EPHB1: variants seen among roughly 807,000 people sequenced by gnomAD.
The protein encoded by EPHB1 is ephrin type-B receptor 1.
EPHB1 carries 30 observed loss-of-function variants against 94.4 expected under a neutral mutation model. That is an observed-to-expected ratio of 0.32 (90% confidence interval 0.24 to 0.43). The LOEUF (loss-of-function observed/expected upper bound fraction) is 0.43, where lower values mean the gene tolerates loss of function less well. Ranked by LOEUF, EPHB1 falls within the 20% of genes least tolerant of loss-of-function variation. The pLI is 1.00. For missense variants in EPHB1, 1,055 were observed against 1,308.3 expected, an observed-to-expected ratio of 0.81 and a Z score of 2.99; for synonymous variants, 522 against 489.1, an observed-to-expected ratio of 1.07 and a Z score of -0.89.
intron 3 of EPHB1, among the ~76,000 whole-genome samples, chr3:135,046,059 A>G (rs1936987894): frequency 6.6e-6 from 1 of 152,262 alleles, no homozygotes; most frequent in Middle Eastern, 3.2e-3. Context: ...GTGAGGCTAT[A>G]GCTGTCTTCT....
At chr3:135,003,817 T>C (rs1935282674) in intron 3 of EPHB1, among the ~76,000 whole-genome samples, 1 of 152,028 alleles carries the variant, frequency 6.6e-6, no homozygotes, top group African/African-American at 2.4e-5. Context: ...GCTTGGTAGA[T>C]CTTCCTCCAT....
intron 6 of EPHB1, among the ~76,000 whole-genome samples, chr3:135,161,708 C>T (rs1311942900): frequency 6.6e-6 from 1 of 152,204 alleles, no homozygotes; most frequent in Non-Finnish European, 1.5e-5. Flanking sequence ...GTTATTTCAC[C>T]TCTGAACCCT....
chr3:135,098,054 C>A (rs1938872742), intron 3 of EPHB1, among the ~76,000 whole-genome samples: 1 of 152,190 alleles, frequency 6.6e-6, no homozygotes, highest in Admixed American at 6.5e-5. Context: ...CCACTCTCCC[C>A]TTCCTCTAAA....
At chr3:134,896,921 T>G (rs2038096858) in intron 1 of EPHB1, among the ~76,000 whole-genome samples, 1 of 152,182 alleles carries the variant, frequency 6.6e-6, no homozygotes, top group African/African-American at 2.4e-5. Flanking sequence ...GGGAGCTGGA[T>G]GGGGGTCCCT....
chr3:134,989,435 T>C (rs1016623799), intron 3 of EPHB1, among the ~76,000 whole-genome samples: 2 of 152,192 alleles, frequency 1.3e-5, no homozygotes, highest in Non-Finnish European at 2.9e-5. Context: ...ACTTTGCTTT[T>C]ATTAAAGTTA....
At chr3:134,954,223 A>G (rs1184075548) in intron 3 of EPHB1, among the ~76,000 whole-genome samples, 1 of 152,128 alleles carries the variant, frequency 6.6e-6, no homozygotes, top group African/African-American at 2.4e-5. Context: ...ATCCCCTGAA[A>G]TCTTTGCCCT....
chr3:135,155,015 T>C (rs962572614), intron 6 of EPHB1, among the ~76,000 whole-genome samples: 1 of 152,210 alleles, frequency 6.6e-6, no homozygotes, highest in African/African-American at 2.4e-5. Flanking sequence ...ACTTATTTGT[T>C]CAGTAAGTAT....
At chr3:135,081,729 C>A (rs1282504950) in intron 3 of EPHB1, among the ~76,000 whole-genome samples, 2 of 152,072 alleles carry the variant, frequency 1.3e-5, no homozygotes, top group African/African-American at 4.8e-5. Flanking sequence ...CCCCTCTGAG[C>A]CTGAGAGGAG....
chr3:135,093,555 T>TA (rs1318226643), intron 3 of EPHB1, among the ~76,000 whole-genome samples: 1 of 151,960 alleles, frequency 6.6e-6, no homozygotes, highest in South Asian at 2.1e-4. Context: ...CTGTCTCTAC[T>TA]AAAAAATACA....
chr3:134,965,692 G>A (rs759174064), intron 3 of EPHB1, among the ~76,000 whole-genome samples: 1 of 152,100 alleles, frequency 6.6e-6, no homozygotes, highest in African/African-American at 2.4e-5. Flanking sequence ...CCTTCTGCCC[G>A]CTTGTAGAGA....
At chr3:135,239,805 G>A (rs750246526) in intron 12 of EPHB1, among the ~76,000 whole-genome samples, 11 of 152,168 alleles carry the variant, frequency 7.2e-5, no homozygotes, top group African/African-American at 1.2e-4. Context: ...ATCCCTGGCC[G>A]TTGAGAAAGC....
chr3:135,167,428 G>A (rs1315822003), intron 9 of EPHB1, among the ~76,000 whole-genome samples: 1 of 152,166 alleles, frequency 6.6e-6, no homozygotes, highest in African/African-American at 2.4e-5. Flanking sequence ...AGAACATGAA[G>A]GTAGGGAATT....
At chr3:134,882,174 A>G (rs912664452) in intron 1 of EPHB1, among the ~76,000 whole-genome samples, 1 of 152,246 alleles carries the variant, frequency 6.6e-6, no homozygotes, top group African/African-American at 2.4e-5. Flanking sequence ...AATCATAGCC[A>G]GGGGTGAATC....
chr3:134,881,859 T>C (rs1400409796), intron 1 of EPHB1, among the ~76,000 whole-genome samples: 1 of 152,218 alleles, frequency 6.6e-6, no homozygotes, highest in Non-Finnish European at 1.5e-5. Flanking sequence ...GTGACTGCCA[T>C]GACATCTGAC....
chr3:135,229,768 C>T (rs980800573), intron 12 of EPHB1, among the ~76,000 whole-genome samples: 1 of 152,168 alleles, frequency 6.6e-6, no homozygotes, highest in Admixed American at 6.5e-5. Flanking sequence ...AGTAGCCACT[C>T]GATGTCAGAA....
At chr3:135,142,968 G>A (rs1166548938) in intron 5 of EPHB1, among the ~76,000 whole-genome samples, 1 of 152,116 alleles carries the variant, frequency 6.6e-6, no homozygotes, top group Non-Finnish European at 1.5e-5. Context: ...AGACAGTGGG[G>A]AGCAAGGATG....
intron 1 of EPHB1, among the ~76,000 whole-genome samples, chr3:134,902,128 G>A (rs1392309802): frequency 3.3e-5 from 5 of 152,216 alleles, no homozygotes; most frequent in Admixed American, 3.3e-4. Flanking sequence ...AGTGAATTTG[G>A]GAGGTGCAAG....
At chr3:134,925,555 G>A (rs781442935) in intron 1 of EPHB1, among the ~76,000 whole-genome samples, 19 of 152,184 alleles carry the variant, frequency 1.2e-4, no homozygotes, top group Non-Finnish European at 1.5e-4. Context: ...GAGCCTTGGG[G>A]TCACCGGGGA....
At chr3:134,921,461 G>T (rs1396970345) in intron 1 of EPHB1, among the ~76,000 whole-genome samples, 2 of 152,088 alleles carry the variant, frequency 1.3e-5, no homozygotes, top group Non-Finnish European at 2.9e-5. Context: ...TTTCTCATAG[G>T]CTCAGCCAGA....
Sources: gnomAD v4.1 joint callset for allele counts (sites outside exome capture counted in the v4.1 genomes callset) on GRCh38, gnomAD v4.1.1 for gene constraint, MANE v1.5 for transcripts, NCBI Gene and HGNC (gene_info 2026-07-23, HGNC 2026-07-21) for gene names.